GALNT17: variants seen among roughly 807,000 people sequenced by gnomAD.
GALNT17 encodes the protein UDP-GalNAc:polypeptide N-acetylgalactosaminyltransferase-like 3.
A neutral mutation model predicts 63.7 loss-of-function variants in GALNT17; 29 were observed. That is an observed-to-expected ratio of 0.46 (90% CI 0.34 to 0.62). GALNT17 has a LOEUF of 0.62. Among genes scored for constraint, GALNT17 ranks in the 20% least tolerant of loss-of-function variants. The pLI, the probability that GALNT17 is intolerant of heterozygous loss-of-function variation, is 0.01. For missense variants in GALNT17, 603 were observed against 799.6 expected (o/e 0.75, Z 2.97); for synonymous variants, 305 against 318.3 (o/e 0.96, Z 0.45).
intron 5 of GALNT17, among the ~76,000 whole-genome samples, chr7:71,449,103 A>ATTTTTTTTTT (rs1583963031): frequency 6.6e-5 from 3 of 45,640 alleles, no homozygotes; most frequent in African/African-American, 1.6e-4. Flanking sequence ...ACAGCTGCCT[A>ATTTTTTTTTT]TTTTCTTTTT....
intron 2 of GALNT17, among the ~76,000 whole-genome samples, chr7:71,336,292 G>A (rs982099232): frequency 3.3e-5 from 5 of 151,968 alleles, no homozygotes; most frequent in South Asian, 2.1e-4. Flanking sequence ...TGATCTGCCC[G>A]CCTTGGCCTC....
At chr7:71,485,445 C>CT (rs1001671531) in intron 5 of GALNT17, among the ~76,000 whole-genome samples, 3 of 152,118 alleles carry the variant, frequency 2.0e-5, no homozygotes, top group Non-Finnish European at 2.9e-5. Flanking sequence ...TTGGCCTGTG[C>CT]TTTCGATTCT....
rs116531968 is a variant in GALNT17 at position 71,193,973 on chromosome 7, T to C, written c.238+60933T>C. ...GATATTTTAGAGGTATCAAGCATTC[T>C]TGTATTCACTGTCTTATCCAGTTAT... On this transcript the variant is annotated intron_variant, in intron 1 of 10. Transcript: ENST00000333538. Among the ~76,000 whole-genome samples, 441 of 152,342 alleles carry C rather than the reference T, an allele frequency of 2.9e-3. 5 individuals carry two copies. Among genetic ancestry groups the C allele is most frequent in the African/African-American group, 0.01 (421 of 41,582 alleles).
At chr7:71,321,094 A>C (rs1791597573) in intron 1 of GALNT17, among the ~76,000 whole-genome samples, 1 of 152,162 alleles carries the variant, frequency 6.6e-6, no homozygotes, top group Non-Finnish European at 1.5e-5. Context: ...GCAGCATGTG[A>C]CCTGGTGTAC....
intron 9 of GALNT17, among the ~76,000 whole-genome samples, chr7:71,698,525 T>C (rs1195044501): frequency 6.6e-6 from 1 of 152,144 alleles, no homozygotes; most frequent in Non-Finnish European, 1.5e-5. Context: ...TAAGATATTT[T>C]ATAAAATTAG....
chr7:71,366,030 T>G (rs771112964), intron 2 of GALNT17, among the ~76,000 whole-genome samples: 1 of 152,098 alleles, frequency 6.6e-6, no homozygotes, highest in South Asian at 2.1e-4. Context: ...CATAAGGAGC[T>G]CGCAACCTAG....
At chr7:71,540,092 C>CATTTTTTTTTTTTT (rs1202520298) in intron 5 of GALNT17, among the ~76,000 whole-genome samples, 2 of 59,916 alleles carry the variant, frequency 3.3e-5, no homozygotes, top group Non-Finnish European at 7.4e-5. Flanking sequence ...CTGTGCCTGG[C>CATTTTTTTTTTTTT]CTTTTTTTTT....
chr7:71,701,856 C>T (rs1459172460), intron 9 of GALNT17, among the ~76,000 whole-genome samples: 920 of 13,624 alleles, frequency 0.068, 23 homozygotes, highest in Non-Finnish European at 0.15. Flanking sequence ...TATATATATA[C>T]ACATATATAT....
intron 4 of GALNT17, among the ~76,000 whole-genome samples, chr7:71,418,062 G>A (rs572231014): frequency 7.9e-5 from 12 of 152,168 alleles, no homozygotes; most frequent in Non-Finnish European, 1.3e-4. Flanking sequence ...TTGGAGTTTG[G>A]CACTGAGTGA....
chr7:71,263,319 A>G (rs1414853955), intron 1 of GALNT17, among the ~76,000 whole-genome samples: 1 of 152,082 alleles, frequency 6.6e-6, no homozygotes, highest in Non-Finnish European at 1.5e-5. Flanking sequence ...AGATTGCGCT[A>G]CTGCACTCCA....
chr7:71,598,264 A>G (rs1789917249), intron 6 of GALNT17, among the ~76,000 whole-genome samples: 1 of 152,246 alleles, frequency 6.6e-6, no homozygotes. Context: ...GCTTATTATG[A>G]TAGTAGAAGT....
At chr7:71,669,935 C>T (rs752304490) in intron 7 of GALNT17, 37 bp from the exon 8 acceptor site, 2 of 1,611,452 alleles carry the variant, frequency 1.2e-6, no homozygotes, top group African/African-American at 1.3e-5. Flanking sequence ...CAGAGCTCCA[C>T]AGTCACTAAC....
chr7:71,454,816 A>ACC (rs1262493953), intron 5 of GALNT17, among the ~76,000 whole-genome samples: 2 of 151,934 alleles, frequency 1.3e-5, no homozygotes, highest in Non-Finnish European at 2.9e-5. Context: ...AGGACATGAA[A>ACC]CCCCTCACTG....
At chr7:71,332,600 G>A (rs192723366) in intron 1 of GALNT17, among the ~76,000 whole-genome samples, 3 of 152,256 alleles carry the variant, frequency 2.0e-5, no homozygotes, top group Non-Finnish European at 2.9e-5. Flanking sequence ...ATGTTGGATA[G>A]CCTTTCATCT....
Position 71,188,653 on chromosome 7 carries a change from T to C in GALNT17, c.238+55613T>C, listed in dbSNP as rs117358154. Among the ~76,000 whole-genome samples, 347 of 150,546 alleles carry C rather than the reference T, an allele frequency of 2.3e-3. 1 individual carries two copies. Among genetic ancestry groups the C allele is most frequent in the Non-Finnish European group, 3.5e-3 (238 of 67,460 alleles). Reference sequence around the variant, plus strand: ...TTAATCCTTTGTCGGTTGTGTAGATTGTGAAGATTTTCTCCCAGTCTGAGT... The same window carrying C: ...TTAATCCTTTGTCGGTTGTGTAGATCGTGAAGATTTTCTCCCAGTCTGAGT... On this transcript the variant is annotated intron_variant, in intron 1 of 10. Transcript: ENST00000333538.
At chr7:71,174,155 C>G (rs979619235) in intron 1 of GALNT17, among the ~76,000 whole-genome samples, 4 of 152,176 alleles carry the variant, frequency 2.6e-5, no homozygotes, top group Admixed American at 2.0e-4. Context: ...TAACCCATAG[C>G]CTCTCAGAGT....
chr7:71,145,681 A>G (rs1329196241), intron 1 of GALNT17, among the ~76,000 whole-genome samples: 2 of 152,056 alleles, frequency 1.3e-5, no homozygotes, highest in East Asian at 1.9e-4. Flanking sequence ...GATTAATTTT[A>G]TAAAGTTCAT....
chr7:71,482,079 ATATGTGTGTG>A (rs1236799589), intron 5 of GALNT17, among the ~76,000 whole-genome samples: 7,211 of 136,858 alleles, frequency 0.053, 627 homozygotes, highest in African/African-American at 0.19. Context: ...ACATATATGT[ATATGTGTGTG>A]TGTGTGTGTG....
intron 3 of GALNT17, among the ~76,000 whole-genome samples, chr7:71,408,865 C>CCTGTCT (rs371956316): frequency 1.2e-4 from 18 of 151,572 alleles, no homozygotes; most frequent in Admixed American, 1.1e-3. Context: ...AAGGCCAGAC[C>CCTGTCT]CTGTCTCTGT....
Sources: gnomAD v4.1 joint callset for allele counts (sites outside exome capture counted in the v4.1 genomes callset) on GRCh38, gnomAD v4.1.1 for gene constraint, MANE v1.5 for transcripts, NCBI Gene and HGNC (gene_info 2026-07-23, HGNC 2026-07-21) for gene names.